The following ZNF462 variants were observed in gnomAD, a reference collection of about 807,000 sequenced individuals.
ZNF462 encodes the protein zinc finger protein 462, also known as zinc finger PBX1-interacting protein.
A neutral mutation model predicts 201.9 loss-of-function variants in ZNF462; 10 were observed. The ratio of observed to expected loss-of-function variants is 0.05; its 90% CI spans 0.03 to 0.08. The LOEUF (loss-of-function observed/expected upper bound fraction) is 0.08, where lower values mean the gene tolerates loss of function less well. Ranked by LOEUF, ZNF462 falls within the 10% of genes least tolerant of loss-of-function variation. The probability of loss-of-function intolerance (pLI) is 1.00; values close to 1 mark genes in which losing one functional copy is unlikely to be tolerated. For missense variants in ZNF462, 2,523 were observed against 3,168.3 expected (o/e 0.80, Z 4.89); for synonymous variants, 1,227 against 1,193.3 (o/e 1.03, Z -0.58).
At chr9:106,878,425 T>C (rs748196155) in intron 1 of ZNF462, among the ~76,000 whole-genome samples, 23 of 152,130 alleles carry the variant, frequency 1.5e-4, no homozygotes, top group Non-Finnish European at 2.9e-4. Flanking sequence ...GATGATAGAG[T>C]TGGAAATAAT....
rs1042141967 is a variant in ZNF462, at chr9:106,886,238, C to T, written c.-31+22883C>T. ...TTAAGAAGGTGGCTGGGATTGTTAC[C>T]TCACTGGACCGCTCTTTAAACTTTC... is the stretch of plus-strand genomic sequence containing the variant. On this transcript the variant is annotated intron_variant, in intron 1 of 12. Transcript: ENST00000277225. This position sits in a 1 kb window ranked among gnomAD's most constrained non-coding sequence, Gnocchi z 4.6. Among the ~76,000 whole-genome samples the T allele has an allele frequency of 2.0e-5, 3 of 152,108 alleles. No homozygotes were observed. Among genetic ancestry groups the T allele is most frequent in the East Asian group, 1.9e-4 (1 of 5,180 alleles).
chr9:106,995,437 C>CT (rs1485627919), intron 10 of ZNF462: 2 of 152,088 alleles, frequency 1.3e-5, no homozygotes, highest in Non-Finnish European at 2.9e-5. Context: ...ATTGTTAATA[C>CT]TTTTTCTTTC....
chr9:106,864,093 T>TCC (rs1827204633), intron 1 of ZNF462, among the ~76,000 whole-genome samples: 2 of 114,858 alleles, frequency 1.7e-5, no homozygotes, highest in African/African-American at 6.7e-5. Flanking sequence ...TCTCTCTCTC[T>TCC]CTCTCTCTCT....
rs552687641 is a variant in ZNF462 at position 106,889,101 on chromosome 9, T to C, written c.-31+25746T>C. 8.5e-5 allele frequency among the ~76,000 whole-genome samples: 13 copies of C among 152,236 alleles called. No individual in the cohort carries two copies. The South Asian group carries it at 2.7e-3, about 32-fold the overall frequency. ...GCACACATCTCCCAGGACTGATGAG[T>C]CTTGTCAGTTGCCCCAGGGTGAGAA... On this transcript the variant is annotated intron_variant, in intron 1 of 12. Coordinates refer to ENST00000277225, the MANE Select transcript of ZNF462 (RefSeq NM_021224.6).
chr9:106,958,258 A>C (rs1831669447), intron 7 of ZNF462, among the ~76,000 whole-genome samples: 1 of 152,010 alleles, frequency 6.6e-6, no homozygotes. Flanking sequence ...TAAAGGTAAA[A>C]CTGGGAGGCC....
rs866445407 is a variant in ZNF462, at chr9:106,930,617, C to T, written c.5940C>T (p.Leu1980=). 1 of 1,614,146 alleles carries T rather than the reference C, an allele frequency of 6.2e-7. No individual in the cohort carries two copies. Among genetic ancestry groups the T allele is most frequent in the Non-Finnish European group, 8.5e-7 (1 of 1,180,030 alleles). ...CKFCVEVHPT[L]RAICNHLRKH... Reference sequence around the variant, plus strand: ...TCTGTGTGGAAGTGCACCCAACGCTCCGAGCCATCTGCAATCACCTCCGAA... The same window carrying T: ...TCTGTGTGGAAGTGCACCCAACGCTTCGAGCCATCTGCAATCACCTCCGAA... Residue 1980 remains leucine, a synonymous_variant, in exon 4 of 13, where the codon CTC becomes CTT. Transcript: ENST00000277225. The surrounding 1 kb of genome is among the most constrained non-coding windows in gnomAD (Gnocchi z 5.8).
intron 8 of ZNF462, among the ~76,000 whole-genome samples, chr9:106,973,210 A>G (rs1046522660): frequency 9.2e-5 from 14 of 152,126 alleles, no homozygotes; most frequent in African/African-American, 2.9e-4. Context: ...ATAAAAAGCT[A>G]TTATTTTCTG....
At chr9:106,986,988 G>GA (rs1360791070) in intron 10 of ZNF462, among the ~76,000 whole-genome samples, 3 of 128,338 alleles carry the variant, frequency 2.3e-5, no homozygotes, top group African/African-American at 8.8e-5. Context: ...TAGATAGATA[G>GA]ATAGATAGAT....
chr9:106,949,660 T>C (rs375179976), intron 7 of ZNF462, among the ~76,000 whole-genome samples: 1 of 152,314 alleles, frequency 6.6e-6, no homozygotes, highest in East Asian at 1.9e-4. Context: ...ACTTCCTTTG[T>C]TTAATGATCC....
Position 106,954,094 on chromosome 9 carries a change from C to T in ZNF462, c.6427+14987C>T, listed in dbSNP as rs966222109. ...AAGGTTAAGAGTTCAAATCATCCTCCTATTCAGAAGTCTTTAACAGCTCTG... is the reference window on the plus strand; with the variant it reads ...AAGGTTAAGAGTTCAAATCATCCTCTTATTCAGAAGTCTTTAACAGCTCTG... On this transcript the variant is annotated intron_variant, in intron 7 of 12. Transcript: ENST00000277225. The surrounding 1 kb of genome is among the most constrained non-coding windows in gnomAD (Gnocchi z 4.0). Among the ~76,000 whole-genome samples, 3 of 152,142 alleles carry T rather than the reference C, an allele frequency of 2.0e-5. No individual in the cohort carries two copies. The highest frequency in any genetic ancestry group is 1.3e-4 in the Admixed American group (2 of 15,262).
chr9:107,012,648 T>C lies in ZNF462; in HGVS notation c.*1618T>C, dbSNP rs1415569804. Reference sequence around the variant, plus strand: ...AAGCCCGTGTGTGTGTGTGCTTGGATGTGTGTGTGCGTGTATGAGTGTGTG... The same window carrying C: ...AAGCCCGTGTGTGTGTGTGCTTGGACGTGTGTGTGCGTGTATGAGTGTGTG... On this transcript the variant is annotated 3_prime_UTR_variant, in exon 13 of 13. Coordinates refer to ENST00000277225, the MANE Select transcript of ZNF462 (RefSeq NM_021224.6). The C allele has an allele frequency of 6.7e-6, 1 of 150,314 alleles. No individual in the cohort carries two copies. Among genetic ancestry groups the C allele is most frequent in the African/African-American group, 2.4e-5 (1 of 40,996 alleles). 9.3% of individuals were successfully genotyped at this position (150,314 alleles called of 1,614,324 possible).
At chr9:106,943,652 C>T (rs151091622) in intron 7 of ZNF462, among the ~76,000 whole-genome samples, 70 of 152,300 alleles carry the variant, frequency 4.6e-4, no homozygotes, top group Non-Finnish European at 8.8e-4. Context: ...TCTTATTACT[C>T]TTCCTGGTGC....
intron 1 of ZNF462, among the ~76,000 whole-genome samples, chr9:106,915,709 C>T (rs1829744566): frequency 1.3e-5 from 2 of 152,200 alleles, no homozygotes; most frequent in Admixed American, 1.3e-4. Context: ...CAAAAAATCA[C>T]AGTCCCCTTG....
chr9:106,982,979 C>T (rs1284438724), intron 9 of ZNF462, among the ~76,000 whole-genome samples: 1 of 152,188 alleles, frequency 6.6e-6, no homozygotes, highest in East Asian at 1.9e-4. Context: ...CTTAATAATA[C>T]ATTGCTGTTT....
chr9:106,870,436 C>T lies in ZNF462; in HGVS notation c.-31+7081C>T, dbSNP rs763275273. Among the ~76,000 whole-genome samples, 1 of 152,102 alleles carries T rather than the reference C, an allele frequency of 6.6e-6. No individual in the cohort carries two copies. The highest frequency in any genetic ancestry group is 1.5e-5 in the Non-Finnish European group (1 of 68,020). ...TGCTGCGCCTGTCCACATCTTACCC[C>T]CAACCTTATTCAAAGAGTAGACCCT... On this transcript the variant is annotated intron_variant, in intron 1 of 12. Transcript: ENST00000277225. The surrounding 1 kb of genome is among the most constrained non-coding windows in gnomAD (Gnocchi z 4.3).
Position 106,929,243 on chromosome 9 carries a change from C to T in ZNF462, c.5331C>T (p.Phe1777=), listed in dbSNP as rs769843769. The part of the protein sequence containing the change: ...KKCSLCSFQS[F]SKKGIVSHYM... ...GCTCCTTGTGCTCTTTCCAGTCGTT[C>T]AGCAAGAAGGGCATCGTGTCCCATT... The change falls in exon 3 of 13, where the codon TTC becomes TTT. Residue 1777 remains phenylalanine, a synonymous_variant. Coordinates refer to ENST00000277225, the MANE Select transcript of ZNF462 (RefSeq NM_021224.6). This position sits in a 1 kb window ranked among gnomAD's most constrained non-coding sequence, Gnocchi z 8.7. The T allele has an allele frequency of 1.9e-6, 3 of 1,614,182 alleles. No individual in the cohort carries two copies. Among genetic ancestry groups the T allele is most frequent in the South Asian group, 2.2e-5 (2 of 91,084 alleles).
intron 10 of ZNF462, among the ~76,000 whole-genome samples, chr9:106,999,903 C>T (rs906963240): frequency 1.3e-5 from 2 of 152,134 alleles, no homozygotes; most frequent in Non-Finnish European, 2.9e-5. Flanking sequence ...GTAAGACTCA[C>T]AGCAAGTCTG....
rs78909257 is a variant in ZNF462 at position 106,899,066 on chromosome 9, T to C, written c.-30-24288T>C. Among the ~76,000 whole-genome samples the C allele has an allele frequency of 2.7e-3, 406 of 151,946 alleles. 11 individuals are homozygous for C. In the East Asian group the frequency reaches 0.062, roughly 23 times the overall value. ...TTGGTATGGATGAGGAAACAGAGGTTTGGAGAATTTAAATAGTTTGTCAAG... is the reference window on the plus strand; with the variant it reads ...TTGGTATGGATGAGGAAACAGAGGTCTGGAGAATTTAAATAGTTTGTCAAG... On this transcript the variant is annotated intron_variant, in intron 1 of 12. Coordinates refer to ENST00000277225, the MANE Select transcript of ZNF462 (RefSeq NM_021224.6).
chr9:106,971,366 TAA>T (rs71491265), intron 7 of ZNF462, among the ~76,000 whole-genome samples: 1 of 126,780 alleles, frequency 7.9e-6, no homozygotes, highest in South Asian at 2.3e-4. Context: ...CGATTTCCTT[TAA>T]AAAAAAAAAC....
Sources: allele counts gnomAD v4.1 joint callset (sites outside exome capture counted in the v4.1 genomes callset), GRCh38; gene constraint gnomAD v4.1.1; non-coding constraint Gnocchi (gnomAD v3.1); transcripts MANE v1.5; gene names NCBI Gene and HGNC (gene_info 2026-07-23, HGNC 2026-07-21).